GRAMD2B: variants seen among roughly 807,000 people sequenced by gnomAD.
GRAMD2B encodes the protein GRAM domain containing 2B.
Under a neutral mutation model 59.2 loss-of-function variants are expected in GRAMD2B, and 41 were observed. The ratio of observed to expected loss-of-function variants is 0.69; its 90% CI spans 0.54 to 0.90. The LOEUF (loss-of-function observed/expected upper bound fraction) is 0.90, where lower values mean the gene tolerates loss of function less well. Among genes scored for constraint, GRAMD2B ranks in the 40% least tolerant of loss-of-function variants. The pLI, the probability that GRAMD2B is intolerant of heterozygous loss-of-function variation, is 0.00. For synonymous variants in GRAMD2B, 161 were observed against 182.7 expected (o/e 0.88, Z 0.96); for missense variants, 424 against 500.5 (o/e 0.85, Z 1.46).
At chr5:126,361,648 A>G (rs1416496957) in intron 1 of GRAMD2B, among the ~76,000 whole-genome samples, 1 of 152,188 alleles carries the variant, frequency 6.6e-6, no homozygotes, top group Non-Finnish European at 1.5e-5. Flanking sequence ...ACACTGAAAC[A>G]CGGTATCTCA....
At chr5:126,409,985 G>A (rs1460005878) in intron 1 of GRAMD2B, among the ~76,000 whole-genome samples, 2 of 149,024 alleles carry the variant, frequency 1.3e-5, no homozygotes, top group Admixed American at 1.3e-4. Flanking sequence ...GTTTGTCAAA[G>A]ATCAGATAGT....
At chr5:126,418,760 A>G (rs1056481365), upstream of GRAMD2B, among the ~76,000 whole-genome samples, 1 of 152,216 alleles carries the variant, frequency 6.6e-6, no homozygotes, top group African/African-American at 2.4e-5. Flanking sequence ...CTCAACTTTC[A>G]TTCTTACAAT....
intron 13 of GRAMD2B, among the ~76,000 whole-genome samples, chr5:126,491,458 C>T (rs1773917699): frequency 6.6e-6 from 1 of 152,138 alleles, no homozygotes; most frequent in African/African-American, 2.4e-5. Context: ...TGCTTACTAC[C>T]CACATAACTC....
Position 126,483,497 on chromosome 5 carries a change from T to G in GRAMD2B, c.770T>G (p.Val257Gly). Residue 257 changes from valine to glycine, a missense_variant, in exon 9 of 14, where the codon GTG becomes GGG. Transcript: ENST00000285689. ...FNDEFSDLDG[V>G]VQQRRQDMEG... is the part of the protein sequence containing the mutation. ...GATGAATTCTCAGATCTGGATGGAG[T>G]GGTTCAACAAAGAAGGCAAGACATG... 3 of 1,611,686 alleles carry G rather than the reference T, an allele frequency of 1.9e-6. No individual in the cohort carries two copies. The highest frequency in any genetic ancestry group is 2.5e-6 in the Non-Finnish European group (3 of 1,178,102).
At chr5:126,410,805 T>C (rs940888679) in intron 1 of GRAMD2B, among the ~76,000 whole-genome samples, 1 of 152,108 alleles carries the variant, frequency 6.6e-6, no homozygotes, top group Admixed American at 6.6e-5. Context: ...TAATAACCAT[T>C]CCAACTGGTA....
chr5:126,435,470 G>A lies in GRAMD2B; in HGVS notation c.83+11781G>A, dbSNP rs369384860. ...TGACTGGCTGGGGCTGGCAGGACTC[G>A]CAGGGAGAGCAGAAGGGGGAAGGAC... On this transcript the variant is annotated intron_variant, in intron 1 of 13. Coordinates refer to ENST00000285689, the MANE Select transcript of GRAMD2B (RefSeq NM_023927.4). Among the ~76,000 whole-genome samples, 8 of 152,246 alleles carry A rather than the reference G, an allele frequency of 5.3e-5. No individual in the cohort carries two copies. In the South Asian group the frequency reaches 1.0e-3, roughly 20 times the overall value.
chr5:126,450,167 G>C (rs1765074892), intron 1 of GRAMD2B, among the ~76,000 whole-genome samples: 1 of 152,104 alleles, frequency 6.6e-6, no homozygotes, highest in Non-Finnish European at 1.5e-5. Context: ...GTAAGAGGCA[G>C]CTCTTCTTTC....
At chr5:126,484,729 G>A (rs978001165) in intron 10 of GRAMD2B, among the ~76,000 whole-genome samples, 6 of 151,922 alleles carry the variant, frequency 3.9e-5, no homozygotes, top group Non-Finnish European at 7.4e-5. Flanking sequence ...GATTACAGAC[G>A]CATGCCACAA....
intron 13 of GRAMD2B, among the ~76,000 whole-genome samples, chr5:126,491,438 C>T (rs1445288141): frequency 6.6e-6 from 1 of 152,122 alleles, no homozygotes; most frequent in African/African-American, 2.4e-5. Context: ...TGTTCTTATC[C>T]CTGCTCCACT....
chr5:126,391,319 C>CAAAAAAAAAAAAAAAA (rs61181985), intron 1 of GRAMD2B, among the ~76,000 whole-genome samples: 7,633 of 76,006 alleles, frequency 0.1, 1,854 homozygotes, highest in Non-Finnish European at 0.15. Context: ...GACTCCATCT[C>CAAAAAAAAAAAAAAAA]AAAAAAAAAA....
intron 1 of GRAMD2B, among the ~76,000 whole-genome samples, chr5:126,379,499 G>A (rs919015846): frequency 1.3e-5 from 2 of 152,050 alleles, no homozygotes; most frequent in Admixed American, 6.5e-5. Flanking sequence ...CCATAGTGGT[G>A]GTACTGATTT....
intron 2 of GRAMD2B, chr5:126,466,450 G>A: frequency 1.5e-6 from 1 of 676,690 alleles, no homozygotes. Flanking sequence ...TTTCCAGTCG[G>A]AGTCTCGCTC....
chr5:126,478,013 A>G (rs1051633770), intron 6 of GRAMD2B, among the ~76,000 whole-genome samples: 1 of 152,170 alleles, frequency 6.6e-6, no homozygotes, highest in Admixed American at 6.5e-5. Context: ...AGTGTTGCCA[A>G]TTTTGAATTT....
At chr5:126,450,814 A>G (rs1765216533) in intron 1 of GRAMD2B, among the ~76,000 whole-genome samples, 1 of 152,180 alleles carries the variant, frequency 6.6e-6, no homozygotes, top group Non-Finnish European at 1.5e-5. Flanking sequence ...CTGCAGACAC[A>G]CAGAATGCAA....
At chr5:126,483,640 T>TA in intron 9 of GRAMD2B, 66 bp downstream of exon 9, 1 of 727,026 alleles carries the variant, frequency 1.4e-6, no homozygotes, top group Non-Finnish European at 2.2e-6. Context: ...CCCCACCCCC[T>TA]TAAAAAAAAA....
At chr5:126,430,608 G>C (rs1335468646) in intron 1 of GRAMD2B, among the ~76,000 whole-genome samples, 1 of 151,970 alleles carries the variant, frequency 6.6e-6, no homozygotes, top group Non-Finnish European at 1.5e-5. Flanking sequence ...AGAAATCTTT[G>C]TTCCATAGGC....
upstream of GRAMD2B, among the ~76,000 whole-genome samples, chr5:126,369,197 T>G (rs1754614957): frequency 6.6e-6 from 1 of 152,198 alleles, no homozygotes; most frequent in Non-Finnish European, 1.5e-5. Flanking sequence ...ACATTTTCCA[T>G]TAGACTTTTA....
chr5:126,409,628 T>C (rs1239364677), intron 1 of GRAMD2B, among the ~76,000 whole-genome samples: 3 of 152,250 alleles, frequency 2.0e-5, no homozygotes, highest in Admixed American at 2.0e-4. Context: ...TTTTCTCCCA[T>C]TTTGTAGGTT....
intron 1 of GRAMD2B, among the ~76,000 whole-genome samples, chr5:126,440,660 T>C (rs138831628): frequency 1.7e-3 from 259 of 152,188 alleles, no homozygotes; most frequent in African/African-American, 5.6e-3. Flanking sequence ...CAAAAACTAC[T>C]ATATAATATG....
Sources: allele counts gnomAD v4.1 joint callset (sites outside exome capture counted in the v4.1 genomes callset), GRCh38; gene constraint gnomAD v4.1.1; transcripts MANE v1.5; gene names NCBI Gene and HGNC (gene_info 2026-07-23, HGNC 2026-07-21).